The following INTS14 variants were observed in gnomAD, a reference collection of about 807,000 sequenced individuals.
INTS14 encodes the protein integrator complex subunit 14.
Under a neutral mutation model 56.9 loss-of-function variants are expected in INTS14, and 27 were observed. The observed-to-expected ratio is 0.47, with a 90% CI of 0.35 to 0.65. The LOEUF (loss-of-function observed/expected upper bound fraction) is 0.65, where lower values mean the gene tolerates loss of function less well. Ranked by LOEUF, INTS14 falls within the 30% of genes least tolerant of loss-of-function variation. The pLI is 0.00. For missense variants in INTS14, 517 were observed against 632.2 expected, an observed-to-expected ratio of 0.82 and a Z score of 1.95; for synonymous variants, 207 against 236.2, an observed-to-expected ratio of 0.88 and a Z score of 1.13.
chr15:65,608,174 G>A (rs555626750), intron 1 of INTS14, among the ~76,000 whole-genome samples: 3 of 151,978 alleles, frequency 2.0e-5, no homozygotes, highest in African/African-American at 7.3e-5. Context: ...TCAGGAGTTC[G>A]AGACCAGCCT....
intron 9 of INTS14, 58 bp downstream of exon 9, chr15:65,591,540 T>C (rs186680085): frequency 6.3e-4 from 995 of 1,585,846 alleles, no homozygotes; most frequent in Non-Finnish European, 8.0e-4. Flanking sequence ...GTCAGAGACA[T>C]TGAGAACAGC....
At chr15:65,588,671 TA>T (rs200163620) in intron 9 of INTS14, among the ~76,000 whole-genome samples, 9,619 of 140,640 alleles carry the variant, frequency 0.068, 301 homozygotes, top group African/African-American at 0.094. Flanking sequence ...CTGTCTCAAT[TA>T]AAAAAAAAAA....
intron 1 of INTS14, among the ~76,000 whole-genome samples, chr15:65,609,265 G>T (rs542981555): frequency 6.6e-6 from 1 of 152,232 alleles, no homozygotes; most frequent in Non-Finnish European, 1.5e-5. Context: ...AATTCCATTT[G>T]TAAGTAGGCT....
Position 65,608,667 on chromosome 15 carries a change from G to A in INTS14, c.-62-1225C>T, listed in dbSNP as rs140744692. Among the ~76,000 whole-genome samples, 38 of 152,258 alleles carry A rather than the reference G, an allele frequency of 2.5e-4. 1 individual carries two copies. In the East Asian group the frequency reaches 4.1e-3, roughly 16 times the overall value. ...TCAGAAATACTTATAGAAAGCATTAGTAACTGAGAAAAGCAGGCCCCAGAA... is the reference window on the plus strand; with the variant it reads ...TCAGAAATACTTATAGAAAGCATTAATAACTGAGAAAAGCAGGCCCCAGAA... On this transcript the variant is annotated intron_variant, in intron 1 of 11. Transcript: ENST00000313182.
chr15:65,610,354 G>C (rs575455268), intron 1 of INTS14, among the ~76,000 whole-genome samples: 3 of 152,142 alleles, frequency 2.0e-5, no homozygotes, highest in African/African-American at 4.8e-5. Context: ...GCGAGACTCC[G>C]TCTTGGGTGG....
intron 6 of INTS14, among the ~76,000 whole-genome samples, chr15:65,596,807 G>A (rs1272662727): frequency 6.6e-6 from 1 of 152,078 alleles, no homozygotes; most frequent in African/African-American, 2.4e-5. Flanking sequence ...CAGGTGATCC[G>A]CCCGCCTTGG....
At chr15:65,602,490 G>A (rs571548577) in intron 3 of INTS14, among the ~76,000 whole-genome samples, 37 of 151,990 alleles carry the variant, frequency 2.4e-4, no homozygotes, top group Admixed American at 9.2e-4. Context: ...TCACCATGTT[G>A]GCCAGGCTTG....
chr15:65,579,273 C>T lies in INTS14; in HGVS notation c.*135G>A, dbSNP rs905974608. On this transcript the variant is annotated 3_prime_UTR_variant, in exon 12 of 12. Transcript: ENST00000313182. Reference sequence around the variant, plus strand: ...CTCATACTAGTAGAGTCATTCAAAACAGCAAGTGGTGCTTCTGAGGCAGCC... The same window carrying T: ...CTCATACTAGTAGAGTCATTCAAAATAGCAAGTGGTGCTTCTGAGGCAGCC... 2.8e-5 allele frequency: 35 copies of T among 1,268,516 alleles called. No individual in the cohort carries two copies. The highest frequency in any genetic ancestry group is 3.7e-5 in the Non-Finnish European group (34 of 922,002). The allele number at this position is 1,268,516 out of a possible 1,614,324, so 78.6% of individuals were successfully genotyped here.
intron 3 of INTS14, among the ~76,000 whole-genome samples, chr15:65,601,129 A>G (rs559901757): frequency 3.9e-5 from 6 of 152,386 alleles, no homozygotes; most frequent in African/African-American, 1.4e-4. Context: ...CTATTTAACC[A>G]GAAATATATA....
rs750324179 is a variant in INTS14, at chr15:65,610,667, T to C, written c.-63+431A>G. ...CTCGCTCTCAAAGCAGGATTCTACC[T>C]GAATTTCTAGTGCCTCACCTGCTCT... On this transcript the variant is annotated intron_variant, in intron 1 of 11. Transcript: ENST00000313182. 57 of 1,535,332 alleles carry C rather than the reference T, an allele frequency of 3.7e-5. 1 individual carries two copies. In the Middle Eastern group the frequency reaches 5.0e-4, roughly 13 times the overall value.
chr15:65,594,397 C>CT (rs35506776), intron 7 of INTS14, among the ~76,000 whole-genome samples: 178 of 144,602 alleles, frequency 1.2e-3, no homozygotes, highest in African/African-American at 2.7e-3. Context: ...CTTTTTCTTT[C>CT]TTTTTTTTTT....
chr15:65,584,311 C>T (rs59611392), intron 10 of INTS14, among the ~76,000 whole-genome samples: 80 of 152,308 alleles, frequency 5.3e-4, no homozygotes, highest in African/African-American at 1.9e-3. Flanking sequence ...ACTTTTACAT[C>T]TTTTCCAAAA....
chr15:65,584,331 A>T (rs1274163216), intron 10 of INTS14, among the ~76,000 whole-genome samples: 1 of 152,238 alleles, frequency 6.6e-6, no homozygotes, highest in Non-Finnish European at 1.5e-5. Context: ...ACTGTTGTTA[A>T]AGCCAATACC....
intron 6 of INTS14, among the ~76,000 whole-genome samples, chr15:65,596,046 C>G (rs1390900119): frequency 6.6e-6 from 1 of 152,118 alleles, no homozygotes; most frequent in Non-Finnish European, 1.5e-5. Flanking sequence ...AGTTATATGA[C>G]AAAATCAGCT....
chr15:65,591,642 G>C lies in INTS14; in HGVS notation c.1076C>G (p.Pro359Arg), dbSNP rs555574251. Residue 359 changes from proline to arginine, a missense_variant, in exon 9 of 12, where the codon CCT becomes CGT. By Grantham distance (103) the Pro-to-Arg change is moderately radical. Coordinates refer to ENST00000313182, the MANE Select transcript of INTS14 (RefSeq NM_001394796.1). Reference sequence around the variant, plus strand: ...TGCCATTTTCCCTAGCCATGGGAGAGGTTCTGGGCCAGGCTCAAAGAGAGA... The same window carrying C: ...TGCCATTTTCCCTAGCCATGGGAGACGTTCTGGGCCAGGCTCAAAGAGAGA... ...MMSLFEPGPE[P>R]LPWLGKMAQL... The C allele has an allele frequency of 6.2e-7, 1 of 1,614,148 alleles. No homozygotes were observed. The highest frequency in any genetic ancestry group is 1.3e-5 in the African/African-American group (1 of 75,040).
intron 11 of INTS14, among the ~76,000 whole-genome samples, chr15:65,581,456 G>A (rs554010986): frequency 6.9e-6 from 1 of 144,996 alleles, no homozygotes; most frequent in East Asian, 2.0e-4. Context: ...GCTGAGGCAG[G>A]AGAATCACTT....
At chr15:65,606,111 C>A (rs545865297) in intron 2 of INTS14, among the ~76,000 whole-genome samples, 1 of 151,870 alleles carries the variant, frequency 6.6e-6, no homozygotes, top group East Asian at 1.9e-4. Context: ...AAAAATTAGC[C>A]GGGCGAGGTG....
intron 8 of INTS14, among the ~76,000 whole-genome samples, chr15:65,591,952 G>A (rs527488201): frequency 6.6e-6 from 1 of 152,300 alleles, no homozygotes; most frequent in African/African-American, 2.4e-5. Flanking sequence ...GTAAAATTAT[G>A]TGGATATGGA....
At chr15:65,587,601 G>T (rs1043080561) in intron 9 of INTS14, among the ~76,000 whole-genome samples, 2 of 152,190 alleles carry the variant, frequency 1.3e-5, no homozygotes, top group African/African-American at 4.8e-5. Flanking sequence ...GAGGGGAAAT[G>T]TGCGTCTTGT....
Sources: gnomAD v4.1 joint callset for allele counts (sites outside exome capture counted in the v4.1 genomes callset) on GRCh38, gnomAD v4.1.1 for gene constraint, MANE v1.5 for transcripts, NCBI Gene and HGNC (gene_info 2026-07-23, HGNC 2026-07-21) for gene names.